Variants in DENND4A observed in about 807,000 individuals in gnomAD.
DENND4A encodes DENN domain containing 4A, also known as C-myc promoter-binding protein.
A neutral mutation model predicts 199.3 loss-of-function variants in DENND4A; 70 were observed. That is an observed-to-expected ratio of 0.35 (90% CI 0.29 to 0.43). The LOEUF (loss-of-function observed/expected upper bound fraction) is 0.43, where lower values mean the gene tolerates loss of function less well. DENND4A is among the 20% of genes least tolerant of loss of function. The pLI is 1.00. For missense variants in DENND4A, 1,723 were observed against 2,255.8 expected (o/e 0.76, Z 4.78); for synonymous variants, 686 against 766.9 (o/e 0.89, Z 1.74).
chr15:65,742,072 C>T (rs2076274379), intron 4 of DENND4A, among the ~76,000 whole-genome samples: 1 of 152,148 alleles, frequency 6.6e-6, no homozygotes, highest in Non-Finnish European at 1.5e-5. Flanking sequence ...TATTCTGAGT[C>T]CAAACTGTGG....
chr15:65,748,405 G>A (rs1161446286), intron 4 of DENND4A, among the ~76,000 whole-genome samples: 1 of 151,892 alleles, frequency 6.6e-6, no homozygotes, highest in African/African-American at 2.4e-5. Context: ...ATTGCTTGAG[G>A]CCAGGAGCTC....
At chr15:65,778,694 C>T (rs1445772460) in intron 1 of DENND4A, among the ~76,000 whole-genome samples, 1 of 151,290 alleles carries the variant, frequency 6.6e-6, no homozygotes, top group South Asian at 2.1e-4. Flanking sequence ...GTCAGGAGAT[C>T]GAGACCATCC....
At chr15:65,683,503 A>C (rs1407286162) in intron 23 of DENND4A, among the ~76,000 whole-genome samples, 1 of 152,136 alleles carries the variant, frequency 6.6e-6, no homozygotes, top group Non-Finnish European at 1.5e-5. Flanking sequence ...TAACTACAGC[A>C]CTTAAAGCTA....
intron 29 of DENND4A, among the ~76,000 whole-genome samples, chr15:65,666,760 CAG>C (rs2076050235): frequency 7.6e-6 from 1 of 131,338 alleles, no homozygotes; most frequent in African/African-American, 2.9e-5. Context: ...GTCTGGGTGA[CAG>C]GGCGAGACCT....
chr15:65,765,611 G>C (rs552475671), intron 1 of DENND4A, among the ~76,000 whole-genome samples: 3 of 151,270 alleles, frequency 2.0e-5, no homozygotes, highest in Non-Finnish European at 2.9e-5. Context: ...GTATTCATCT[G>C]TGTGTGTGTT....
In DENND4A at chr15:65,660,055, C is replaced by G. The variant is rs138437035; in HGVS notation, c.*1796G>C. The stretch of plus-strand genomic sequence containing the variant: ...TATCACCAGTGCCAAAAGCCTCCCC[C>G]CTCTGAAATGTTTCTCTCAGTTGAC... On this transcript the variant is annotated 3_prime_UTR_variant, in exon 33 of 33. Transcript: ENST00000443035. 9.2e-5 allele frequency: 42 copies of G among 458,790 alleles called. No individual in the cohort carries two copies. The highest frequency in any genetic ancestry group is 1.2e-4 in the Non-Finnish European group (32 of 258,420). 28.4% of individuals were successfully genotyped at this position (458,790 alleles called of 1,614,324 possible).
At position 65,691,313 on chromosome 15, in the gene DENND4A, T is replaced by C. The variant is rs1178128642; in HGVS notation, c.3281A>G (p.Glu1094Gly). Residue 1094 changes from glutamate (E) to glycine (G), a missense_variant, in exon 23 of 33, where the codon GAA (glutamate) becomes GGA (glycine). Physicochemically the swap from Glu to Gly is moderately conservative, Grantham distance 98. Coordinates refer to ENST00000443035, the MANE Select transcript of DENND4A (RefSeq NM_001320835.1). ...MGFMLNRINQ[E>G]ATPGDIVEKL... is the part of the protein sequence containing the mutation. ...TTCAACTATATCTCCAGGGGTTGCT[T>C]CCTGGTTAATTCTATTGAGCATAAA... is the stretch of plus-strand genomic sequence containing the variant. 6.2e-7 allele frequency: 1 copy of C among 1,613,470 alleles called. No homozygotes were observed.
At position 65,737,910 on chromosome 15, in the gene DENND4A, G is replaced by C; in HGVS notation, c.837C>G (p.Tyr279Ter). The change falls in exon 7 of 33, where the codon TAC (tyrosine) becomes TAG (stop). Residue 279 changes from tyrosine (Y) to a stop codon, truncating the protein, a stop_gained. Coordinates refer to ENST00000443035, the MANE Select transcript of DENND4A (RefSeq NM_001320835.1). LOFTEE classifies it high-confidence loss of function. ...YGAAIQFYEPYSEENLTEKQR... is the reference protein window; with the variant it reads ...YGAAIQFYEP ...GCTTTTCTGTGAGATTCTCCTCAGA[G>C]TATGGTTCATAAAACTGAATAGCAG... The C allele has an allele frequency of 6.3e-7, 1 of 1,599,004 alleles. No individual in the cohort carries two copies.
intron 1 of DENND4A, among the ~76,000 whole-genome samples, chr15:65,786,169 A>T (rs1308597339): frequency 6.6e-6 from 1 of 152,234 alleles, no homozygotes; most frequent in Non-Finnish European, 1.5e-5. Context: ...TAGATAAAAA[A>T]TGAAAACAAT....
chr15:65,714,474 A>G (rs2075339289), intron 14 of DENND4A, among the ~76,000 whole-genome samples: 1 of 151,602 alleles, frequency 6.6e-6, no homozygotes, highest in South Asian at 2.1e-4. Flanking sequence ...TATTTGATCA[A>G]TCTCCCCCAT....
At chr15:65,670,347 C>T (rs1447292423) in intron 25 of DENND4A, among the ~76,000 whole-genome samples, 159 bp from the exon 26 acceptor site, 3 of 152,176 alleles carry the variant, frequency 2.0e-5, no homozygotes, top group African/African-American at 4.8e-5. Context: ...ATACTATAAT[C>T]GTCTTCAGCT....
rs1158901929 is a variant in DENND4A at position 65,659,350 on chromosome 15, T to TTTA, written c.*2500_*2501insTAA. 1 of 137,304 alleles carries TTTA rather than the reference T, an allele frequency of 7.3e-6. No homozygotes were observed. The highest frequency in any genetic ancestry group is 1.5e-5 in the Non-Finnish European group (1 of 65,092). 8.5% of individuals were successfully genotyped at this position (137,304 alleles called of 1,614,324 possible). A position where few individuals can be genotyped will look rare whatever the true frequency, so the allele number is the denominator to read the frequency against. On this transcript the variant is annotated 3_prime_UTR_variant, in exon 33 of 33. Transcript: ENST00000443035. Reference sequence around the variant, plus strand: ...TTTTTTTTTTTTTTTTTTTTTTTTTTTGAGACAGGGTCTTGCTCTGTAATC... The same window carrying TTTA: ...TTTTTTTTTTTTTTTTTTTTTTTTTTTTATGAGACAGGGTCTTGCTCTGTAATC...
chr15:65,767,422 T>C (rs369081218), intron 1 of DENND4A: 11 of 152,326 alleles, frequency 7.2e-5, no homozygotes, highest in African/African-American at 2.6e-4. Flanking sequence ...AAATAGTATA[T>C]GGTGAATATC....
chr15:65,700,060 T>C (rs929004860), intron 20 of DENND4A, among the ~76,000 whole-genome samples: 1 of 152,024 alleles, frequency 6.6e-6, no homozygotes, highest in African/African-American at 2.4e-5. Flanking sequence ...GCAAAAACAT[T>C]ACAGTACAGA....
chr15:65,791,151 CAAAT>C (rs1278964520), intron 1 of DENND4A, among the ~76,000 whole-genome samples: 2 of 152,186 alleles, frequency 1.3e-5, no homozygotes, highest in East Asian at 1.9e-4. Flanking sequence ...GTTTTCTCCT[CAAAT>C]AAATACATGC....
rs1018774657 is a variant in DENND4A, at chr15:65,715,762, A to C, written c.1808-139T>G. The C allele has an allele frequency of 9.9e-6, 7 of 707,882 alleles. No homozygotes were observed. In the South Asian group the frequency reaches 1.5e-4, roughly 15 times the overall value. The allele number at this position is 707,882 out of a possible 1,614,324, so 43.9% of individuals were successfully genotyped here. ...ACCATTTCGCAAGTGCTGAGAGGGA[A>C]AATGACCTGACAAAGAAATAGGAGA... On this transcript the variant is annotated intron_variant, in intron 13 of 32. Coordinates refer to ENST00000443035, the MANE Select transcript of DENND4A (RefSeq NM_001320835.1).
intron 5 of DENND4A, 79 bp downstream of exon 5, chr15:65,741,636 G>T (rs1164604516): frequency 8.8e-7 from 1 of 1,133,154 alleles, no homozygotes; most frequent in African/African-American, 1.5e-5. Context: ...ACACAGACTA[G>T]GCAGGTTTCT....
At chr15:65,782,785 T>A (rs2077466414) in intron 1 of DENND4A, among the ~76,000 whole-genome samples, 1 of 152,228 alleles carries the variant, frequency 6.6e-6, no homozygotes, top group South Asian at 2.1e-4. Context: ...CAAATATTAT[T>A]ACATATTTGT....
At chr15:65,716,742 G>A (rs981472451) in intron 13 of DENND4A, among the ~76,000 whole-genome samples, 1 of 151,624 alleles carries the variant, frequency 6.6e-6, no homozygotes, top group African/African-American at 2.4e-5. Context: ...ATGATTTATA[G>A]TCCTTTGGGT....
Sources: gnomAD v4.1 joint callset for allele counts (sites outside exome capture counted in the v4.1 genomes callset) on GRCh38, gnomAD v4.1.1 for gene constraint, MANE v1.5 for transcripts, NCBI Gene and HGNC (gene_info 2026-07-23, HGNC 2026-07-21) for gene names.